Variants in USP7 observed in about 807,000 individuals in gnomAD.
USP7 encodes the protein ubiquitin specific peptidase 7, also known as ubiquitin C-terminal hydrolase 7.
A neutral mutation model predicts 162.9 loss-of-function variants in USP7; 9 were observed. The ratio of observed to expected loss-of-function variants is 0.06; its 90% CI spans 0.03 to 0.10. The LOEUF is 0.10. Ranked by LOEUF, USP7 falls within the 10% of genes least tolerant of loss-of-function variation. The pLI is 1.00. For missense variants in USP7, 715 were observed against 1,373.7 expected (o/e 0.52, Z 7.58); for synonymous variants, 562 against 475.9 (o/e 1.18, Z -2.35).
rs374224337 is a variant in USP7, at chr16:8,902,461, G to T, written c.1861C>A (p.Arg621=). Residue 621 remains arginine (R), a synonymous_variant, in exon 17 of 31, where the codon CGA becomes AGA. Coordinates refer to ENST00000344836, the MANE Select transcript of USP7 (RefSeq NM_003470.3). ...CTCCTTGCTTGCATGGGCCACAATC[G>T]AATTTGATCTTGTGGAAATCCCTGA... ...QTMGFPQDQI[R]LWPMQARSNG... 6.2e-6 allele frequency: 10 copies of T among 1,613,614 alleles called. No individual in the cohort carries two copies. In the African/African-American group the frequency reaches 9.3e-5, roughly 15 times the overall value.
rs1160536094 is a variant in USP7, at chr16:8,908,321, TA to T, written c.1271+19del. On this transcript the variant is annotated intron_variant, in intron 12 of 30. Transcript: ENST00000344836. ...CAGCATGATGATGAAATCTTAACTT[TA>T]TATCCCACTATAGATTACCTATCAT... 1.3e-6 allele frequency: 2 copies of T among 1,587,802 alleles called. No individual in the cohort carries two copies. Among genetic ancestry groups the T allele is most frequent in the African/African-American group, 2.7e-5 (2 of 74,420 alleles).
intron 1 of USP7, among the ~76,000 whole-genome samples, chr16:8,942,704 C>G (rs930485220): frequency 6.6e-6 from 1 of 152,166 alleles, no homozygotes; most frequent in Non-Finnish European, 1.5e-5. Flanking sequence ...CACACCACCA[C>G]ACTCAGCTAG....
At chr16:8,925,960 C>T (rs1897964874) in intron 2 of USP7, among the ~76,000 whole-genome samples, 1 of 151,118 alleles carries the variant, frequency 6.6e-6, no homozygotes, top group Admixed American at 6.6e-5. Flanking sequence ...CGAGACCATC[C>T]TGGCTAACAC....
At chr16:8,921,047 A>T in intron 4 of USP7, 110 bp downstream of exon 4, 3 of 1,243,524 alleles carry the variant, frequency 2.4e-6, no homozygotes, top group Non-Finnish European at 3.3e-6. Context: ...TCCAATTTAG[A>T]AAGTAAAAAT....
At chr16:8,958,486 G>A (rs1356353723) in intron 1 of USP7, among the ~76,000 whole-genome samples, 1 of 152,230 alleles carries the variant, frequency 6.6e-6, no homozygotes, top group Admixed American at 6.5e-5. Context: ...AAAGTGTGGG[G>A]TCAGGCAGGC....
At position 8,902,372 on chromosome 16, in the gene USP7, A is replaced by G; in HGVS notation, c.1941+9T>C. 1 of 1,613,384 alleles carries G rather than the reference A, an allele frequency of 6.2e-7. No homozygotes were observed. ...GTTCCAAACCAGATACGCTATTAAC[A>G]ATATTTACTGTTTTATTGCCGTCGG... On this transcript the variant is annotated intron_variant, in intron 17 of 30. Coordinates refer to ENST00000344836, the MANE Select transcript of USP7 (RefSeq NM_003470.3).
At chr16:8,896,648 G>A (rs1657076) in intron 26 of USP7, among the ~76,000 whole-genome samples, 150,552 of 152,298 alleles carry the variant, frequency 0.99, 74,435 homozygotes, top group East Asian at 1. Flanking sequence ...AAATGGAATC[G>A]TATCCTTCCT....
intron 5 of USP7, among the ~76,000 whole-genome samples, chr16:8,919,794 C>T (rs960180240): frequency 6.6e-6 from 1 of 151,826 alleles, no homozygotes; most frequent in Non-Finnish European, 1.5e-5. Flanking sequence ...CCTGAACACA[C>T]GACCGTCACC....
At chr16:8,911,638 G>A (rs377514317) in intron 10 of USP7, among the ~76,000 whole-genome samples, 3 of 152,266 alleles carry the variant, frequency 2.0e-5, no homozygotes, top group Non-Finnish European at 4.4e-5. Flanking sequence ...AAAGTTTACA[G>A]GCTGCAGCCC....
At chr16:8,936,650 G>T in intron 1 of USP7, 1 of 1,552,936 alleles carries the variant, frequency 6.4e-7, no homozygotes, top group African/African-American at 1.4e-5. Flanking sequence ...GCTGGGGGAT[G>T]GGGGAGGTTC....
intron 10 of USP7, among the ~76,000 whole-genome samples, chr16:8,913,041 G>C (rs1056634242): frequency 6.6e-6 from 1 of 151,874 alleles, no homozygotes; most frequent in Admixed American, 6.6e-5. Context: ...CTGAAAACCA[G>C]TGAGAAGGAA....
At position 8,958,531 on chromosome 16, in the gene USP7, G is replaced by T. The variant is rs569759702; in HGVS notation, c.79+4676C>A. Among the ~76,000 whole-genome samples, 11 of 152,354 alleles carry T rather than the reference G, an allele frequency of 7.2e-5. No homozygotes were observed. The South Asian group carries it at 1.9e-3, about 26-fold the overall frequency. ...GACCAAGAGGGAGGCTACCACCACA[G>T]TTCCAGCATGAGGCAGCAAGGGCCT... On this transcript the variant is annotated intron_variant, in intron 1 of 30. Transcript: ENST00000344836.
At chr16:8,959,071 T>C (rs1351061431) in intron 1 of USP7, among the ~76,000 whole-genome samples, 6 of 152,246 alleles carry the variant, frequency 3.9e-5, no homozygotes, top group African/African-American at 1.4e-4. Context: ...CACCATGTGC[T>C]GAACATCTCC....
chr16:8,917,223 A>G (rs1183031661), intron 6 of USP7, 67 bp from the exon 7 acceptor site: 1 of 1,502,602 alleles, frequency 6.7e-7, no homozygotes, highest in Non-Finnish European at 8.9e-7. Flanking sequence ...AAACAGTAAG[A>G]ATTTAATCTT....
chr16:8,931,993 C>G (rs1274877246), intron 1 of USP7, among the ~76,000 whole-genome samples: 2 of 152,144 alleles, frequency 1.3e-5, no homozygotes, highest in Non-Finnish European at 2.9e-5. Context: ...TTCACAATTT[C>G]AGAGCCTTTC....
At chr16:8,950,806 C>G (rs1047184982) in intron 1 of USP7, among the ~76,000 whole-genome samples, 2 of 152,228 alleles carry the variant, frequency 1.3e-5, no homozygotes, top group Non-Finnish European at 2.9e-5. Context: ...CACTGACCAG[C>G]GCACGACAGT....
intron 3 of USP7, among the ~76,000 whole-genome samples, chr16:8,922,159 CT>C (rs151323725): frequency 2.1e-4 from 32 of 152,248 alleles, no homozygotes; most frequent in Non-Finnish European, 4.1e-4. Flanking sequence ...TCCACAGGCC[CT>C]GGCTGCATCA....
intron 23 of USP7, chr16:8,898,858 T>A: frequency 1.6e-6 from 1 of 613,376 alleles, no homozygotes; most frequent in Non-Finnish European, 2.8e-6. Flanking sequence ...CACAGCAGCC[T>A]GGCAGGACTG....
intron 1 of USP7, among the ~76,000 whole-genome samples, chr16:8,931,367 T>C (rs1459605994): frequency 6.6e-6 from 1 of 152,154 alleles, no homozygotes; most frequent in Admixed American, 6.5e-5. Context: ...TTTGTATTTT[T>C]AGTAGAGATG....
Sources: gnomAD v4.1 joint callset for allele counts (sites outside exome capture counted in the v4.1 genomes callset) on GRCh38, gnomAD v4.1.1 for gene constraint, MANE v1.5 for transcripts, NCBI Gene and HGNC (gene_info 2026-07-23, HGNC 2026-07-21) for gene names.